SPC25: variants seen among roughly 807,000 people sequenced by gnomAD.
SPC25 encodes SPC25 component of NDC80 kinetochore complex.
In SPC25, 22 loss-of-function variants were observed where a neutral mutation model predicts 29.6. The ratio of observed to expected loss-of-function variants is 0.74; its 90% confidence interval spans 0.53 to 1.06. The LOEUF is 1.06. SPC25 is among the 50% of genes least tolerant of loss of function. The probability of loss-of-function intolerance (pLI) is 0.00; values close to 1 mark genes in which losing one functional copy is unlikely to be tolerated. For synonymous variants in SPC25, 91 were observed against 90.4 expected, an observed-to-expected ratio of 1.01 and a Z score of -0.04; for missense variants, 230 against 255.8, an observed-to-expected ratio of 0.90 and a Z score of 0.69.
intron 3 of SPC25, among the ~76,000 whole-genome samples, chr2:168,888,158 G>GTGCACTTAGGGGGTGAAGTGGGAGTA (rs1690302372): frequency 6.6e-6 from 1 of 152,142 alleles, no homozygotes; most frequent in South Asian, 2.1e-4. Flanking sequence ...TGCACCAGTG[G>GTGCACTTAGGGGGTGAAGTGGGAGTA]TCCCAGCTAC....
At chr2:168,863,206 G>A (rs1375352457) in intron 4 of SPC25, among the ~76,000 whole-genome samples, 2 of 152,130 alleles carry the variant, frequency 1.3e-5, no homozygotes, top group African/African-American at 4.8e-5. Context: ...TAGGGAAGCT[G>A]GCAATACAAT....
chr2:168,861,840 T>G, intron 4 of SPC25: 1 of 892,676 alleles, frequency 1.1e-6, no homozygotes, highest in Non-Finnish European at 1.7e-6. Context: ...CAAACTTTCC[T>G]TTTGAGAAAA....
At chr2:168,879,040 A>G (rs1431964300) in intron 3 of SPC25, among the ~76,000 whole-genome samples, 2 of 152,218 alleles carry the variant, frequency 1.3e-5, no homozygotes, top group Non-Finnish European at 2.9e-5. Flanking sequence ...TTTTATTGCT[A>G]AAATATGCTA....
At chr2:168,869,059 A>C (rs1343440696), downstream of SPC25, among the ~76,000 whole-genome samples, 4 of 152,226 alleles carry the variant, frequency 2.6e-5, no homozygotes, top group African/African-American at 7.2e-5. Flanking sequence ...AACATACGAA[A>C]ATCAATAAAC....
chr2:168,889,246 A>G lies in SPC25; in HGVS notation c.179T>C (p.Met60Thr), dbSNP rs1301248008. Residue 60 changes from methionine to threonine, a missense_variant, in exon 3 of 7, where the codon ATG (methionine) becomes ACG (threonine). Transcript: ENST00000282074. ...KLKEEERMVE[M>T]FLEYQNQISR... ...CATACGATTTTGATATTCCAGAAAC[A>G]TCTCAACCATTCGTTCTTCTTCCTT... 1 of 1,613,742 alleles carries G rather than the reference A, an allele frequency of 6.2e-7. No individual in the cohort carries two copies.
At chr2:168,882,469 G>A (rs1335418717) in intron 3 of SPC25, among the ~76,000 whole-genome samples, 1 of 152,246 alleles carries the variant, frequency 6.6e-6, no homozygotes, top group Non-Finnish European at 1.5e-5. Context: ...GCTGGGCGTG[G>A]TGGCGTGTGC....
At chr2:168,877,533 A>T in intron 3 of SPC25, 149 bp from the exon 4 acceptor site, 1 of 902,384 alleles carries the variant, frequency 1.1e-6, no homozygotes, top group Non-Finnish European at 1.6e-6. Context: ...TATAAAAGAC[A>T]AAAAAGAAAA....
chr2:168,861,640 T>C (rs937162242), intron 4 of SPC25, among the ~76,000 whole-genome samples: 2 of 152,194 alleles, frequency 1.3e-5, no homozygotes, highest in African/African-American at 4.8e-5. Context: ...TATACCTGAA[T>C]GGCAAAACTG....
chr2:168,862,626 T>C (rs572517012), intron 4 of SPC25, among the ~76,000 whole-genome samples: 2 of 152,342 alleles, frequency 1.3e-5, no homozygotes, highest in South Asian at 2.1e-4. Flanking sequence ...AAAAGCTTTT[T>C]ACAGCCAGTC....
chr2:168,880,344 T>C (rs937128230), intron 3 of SPC25, among the ~76,000 whole-genome samples: 2 of 152,260 alleles, frequency 1.3e-5, no homozygotes, highest in African/African-American at 4.8e-5. Flanking sequence ...ATTTTTATTT[T>C]ATGGAGGCAG....
Position 168,864,856 on chromosome 2 carries a change from G to T in SPC25, n.419+8729C>A, listed in dbSNP as rs372892123. The T allele has an allele frequency of 2.8e-4, 447 of 1,613,856 alleles. 1 individual carries two copies. Among genetic ancestry groups the T allele is most frequent in the Non-Finnish European group, 3.7e-4 (431 of 1,179,880 alleles). Reference sequence around the variant, plus strand: ...CAGGTGACATTGTGATTATACACGAGAAAAAAGAAGGAGGATGGTGGTTTG... The same window carrying T: ...CAGGTGACATTGTGATTATACACGATAAAAAAGAAGGAGGATGGTGGTTTG... On this transcript the variant is annotated intron_variant and non_coding_transcript_variant, in intron 4 of 4. Transcript: ENST00000479309.
At chr2:168,868,750 G>A (rs1689919502), downstream of SPC25, among the ~76,000 whole-genome samples, 1 of 152,194 alleles carries the variant, frequency 6.6e-6, no homozygotes, top group South Asian at 2.1e-4. Flanking sequence ...GGACCAGATG[G>A]ATTCACAGCT....
rs754189176 is a variant in SPC25, at chr2:168,871,420, C to T, written c.*11G>A. On this transcript the variant is annotated 3_prime_UTR_variant, in exon 7 of 7. Coordinates refer to ENST00000282074, the MANE Select transcript of SPC25 (RefSeq NM_020675.4). ...GAAAAATAAACCGTTTTTATATACA[C>T]TATTTGTATGTTAATTATAAACCGT... The T allele has an allele frequency of 3.8e-6, 6 of 1,587,460 alleles. No individual in the cohort carries two copies. The highest frequency in any genetic ancestry group is 2.3e-5 in the East Asian group (1 of 44,406).
chr2:168,889,445 G>A lies in SPC25; in HGVS notation c.75C>T (p.Thr25=), dbSNP rs771659446. 1.5e-5 allele frequency: 24 copies of A among 1,613,960 alleles called. No homozygotes were observed. Among genetic ancestry groups the A allele is most frequent in the Non-Finnish European group, 1.9e-5 (23 of 1,180,038 alleles). ...CTCTTAGTCCCGCCATCTGACAGGAGGTGTCCGTACTTTTGAATTTATTCC... is the reference window on the plus strand; with the variant it reads ...CTCTTAGTCCCGCCATCTGACAGGAAGTGTCCGTACTTTTGAATTTATTCC... ...EFWNKFKSTD[T]SCQMAGLRDT... The change falls in exon 2 of 7, where the codon ACC becomes ACT. Residue 25 remains threonine, a synonymous_variant. Transcript: ENST00000282074.
Position 168,889,493 on chromosome 2 carries a change from GA to G in SPC25, c.26del (p.Phe9SerfsTer5). MVEDELALFDKSINEFWNK... is the reference protein window; with the variant it reads MVEDELALXDKSINEFWNK... ...TCCAAAATTCATTTATGCTTTTATC[GA>G]AAAGTGCCAGTTCGTCCTCTACCAT... On this transcript the variant is annotated frameshift_variant, in exon 2 of 7. Coordinates refer to ENST00000282074, the MANE Select transcript of SPC25 (RefSeq NM_020675.4). LOFTEE classifies it high-confidence loss of function. The G allele has an allele frequency of 6.2e-7, 1 of 1,613,688 alleles. No individual in the cohort carries two copies. Among genetic ancestry groups the G allele is most frequent in the East Asian group, 2.2e-5 (1 of 44,858 alleles).
intron 3 of SPC25, among the ~76,000 whole-genome samples, chr2:168,882,381 C>T (rs902908717): frequency 6.6e-6 from 1 of 152,184 alleles, no homozygotes; most frequent in Non-Finnish European, 1.5e-5. Flanking sequence ...CTCAGGCTGG[C>T]GGATCATGAG....
Position 168,889,282 on chromosome 2 carries a change from G to A in SPC25, c.143C>T (p.Ser48Phe). 6.2e-7 allele frequency: 1 copy of A among 1,613,468 alleles called. No homozygotes were observed. Among genetic ancestry groups the A allele is most frequent in the Non-Finnish European group, 8.5e-7 (1 of 1,179,876 alleles). Residue 48 changes from serine to phenylalanine, a missense_variant, in exon 3 of 7, where the codon TCT (serine) becomes TTT (phenylalanine). Physicochemically the swap from Ser to Phe is radical, Grantham distance 155 (BLOSUM62 -2). Coordinates refer to ENST00000282074, the MANE Select transcript of SPC25 (RefSeq NM_020675.4). Reference sequence around the variant, plus strand: ...TCGTTCTTCTTCCTTTAATTTCACAGACAGCTTTTCTGAAAGAGAAATTGA... The same window carrying A: ...TCGTTCTTCTTCCTTTAATTTCACAAACAGCTTTTCTGAAAGAGAAATTGA... ...DSIKAFAEKL[S>F]VKLKEEERMV...
At chr2:168,864,695 T>C in intron 4 of SPC25, 2 of 844,252 alleles carry the variant, frequency 2.4e-6, no homozygotes, top group Non-Finnish European at 1.9e-6. Flanking sequence ...TCGATACATT[T>C]GGCTTCATCT....
Position 168,876,150 on chromosome 2 carries a change from C to A in SPC25, c.373G>T (p.Ala125Ser). The change falls in exon 5 of 7, where the codon GCA (alanine) becomes TCA (serine). Residue 125 changes from alanine to serine, a missense_variant. Coordinates refer to ENST00000282074, the MANE Select transcript of SPC25 (RefSeq NM_020675.4). ...ETISTANKAN[A>S]ERLKRLQKSA... ...TTCTGCAGCCTTTTCAACCTCTCTG[C>A]ATTCGCTTTATTAGCAGTAGAAATA... 1.3e-6 allele frequency: 2 copies of A among 1,570,828 alleles called. No homozygotes were observed. The highest frequency in any genetic ancestry group is 1.7e-6 in the Non-Finnish European group (2 of 1,165,778).
Sources: allele counts gnomAD v4.1 joint callset (sites outside exome capture counted in the v4.1 genomes callset), GRCh38; gene constraint gnomAD v4.1.1; transcripts MANE v1.5; gene names NCBI Gene and HGNC (gene_info 2026-07-23, HGNC 2026-07-21).